Variants in DHRSX observed in about 807,000 individuals in gnomAD.
DHRSX encodes polyprenol dehydrogenase.
In DHRSX, 31 loss-of-function variants were observed where a neutral mutation model predicts 34.0. The observed-to-expected ratio is 0.91, with a 90% confidence interval of 0.69 to 1.23. The LOEUF (loss-of-function observed/expected upper bound fraction) is 1.23, where lower values mean the gene tolerates loss of function less well. DHRSX is among the 50% of genes most tolerant of loss of function. DHRSX has a pLI of 0.00. For synonymous variants in DHRSX, 201 were observed against 183.8 expected (o/e 1.09, Z -0.76); for missense variants, 414 against 428.1 (o/e 0.97, Z 0.29).
chrX:2,459,579 T>TATATATATATATATAC (rs1178347741), intron 1 of DHRSX, among the ~76,000 whole-genome samples: 1 of 127,924 alleles, frequency 7.8e-6, no homozygotes, highest in Non-Finnish European at 1.7e-5. Flanking sequence ...TATATATATA[T>TATATATATATATATAC]ACACACACAT....
intron 3 of DHRSX, among the ~76,000 whole-genome samples, chrX:2,344,397 TGA>T (rs1214768787): frequency 1.3e-5 from 2 of 152,084 alleles, no homozygotes; most frequent in Non-Finnish European, 2.9e-5. Context: ...ACACTGTTAT[TGA>T]GAGTGTAAAT....
At chrX:2,314,483 A>AAGGAAGGAAGGAAGGAAGGAAGGAAGGG (rs1602927702) in intron 3 of DHRSX, among the ~76,000 whole-genome samples, 1 of 45,982 alleles carries the variant, frequency 2.2e-5, no homozygotes, top group Non-Finnish European at 4.7e-5. Context: ...GGAAGGAAGG[A>AAGGAAGGAAGGAAGGAAGGAAGGAAGGG]AGGAAGGGAG....
chrX:2,413,005 G>C (rs1268256016), intron 2 of DHRSX, among the ~76,000 whole-genome samples: 2 of 152,080 alleles, frequency 1.3e-5, no homozygotes, highest in Non-Finnish European at 2.9e-5. Context: ...GACCATCCTG[G>C]CCAACCTGGC....
At chrX:2,290,956 C>A (rs1031129529) in intron 4 of DHRSX, among the ~76,000 whole-genome samples, 1 of 152,082 alleles carries the variant, frequency 6.6e-6, no homozygotes, top group African/African-American at 2.4e-5. Flanking sequence ...GGCTCAAGGT[C>A]AACAGTAAGC....
intron 2 of DHRSX, among the ~76,000 whole-genome samples, chrX:2,415,142 C>G (rs2043678066): frequency 6.6e-6 from 1 of 151,532 alleles, no homozygotes; most frequent in African/African-American, 2.4e-5. Context: ...TCATCATATC[C>G]TACCACAACT....
rs2042076780 is a variant in DHRSX at position 2,304,451 on chromosome X, G to A, written c.287-12848C>T. Among the ~76,000 whole-genome samples the A allele has an allele frequency of 3.3e-5, 5 of 152,138 alleles. No individual in the cohort carries two copies. The South Asian group carries it at 1.0e-3, about 32-fold the overall frequency. On this transcript the variant is annotated intron_variant, in intron 3 of 6. Coordinates refer to ENST00000334651, the MANE Select transcript of DHRSX (RefSeq NM_145177.3). ...CTCAAGTTGAATTGGAATCCCCAGTGCTGGAGGTGGACCCTTGTAGGGGGA... is the reference window on the plus strand; with the variant it reads ...CTCAAGTTGAATTGGAATCCCCAGTACTGGAGGTGGACCCTTGTAGGGGGA...
At chrX:2,394,270 G>A (rs996771041) in intron 3 of DHRSX, among the ~76,000 whole-genome samples, 1 of 152,192 alleles carries the variant, frequency 6.6e-6, no homozygotes, top group African/African-American at 2.4e-5. Context: ...CTGAGACCCA[G>A]GGAGGGGTAT....
At chrX:2,314,636 TTA>T (rs1457881712) in intron 3 of DHRSX, among the ~76,000 whole-genome samples, 14 of 151,948 alleles carry the variant, frequency 9.2e-5, no homozygotes, top group Non-Finnish European at 1.8e-4. Flanking sequence ...CCTTGTCTCA[TTA>T]TGTTATGCCA....
At position 2,243,236 on chromosome X, in the gene DHRSX, G is replaced by A; in HGVS notation, c.597-6C>T. ...CGTGGGGTGAGTAGCAGGCACTGTG[G>A]GGCAAGCAGGAGAAGGTGTAAGAGG... On this transcript the variant is annotated splice_region_variant and splice_polypyrimidine_tract_variant and intron_variant, in intron 5 of 6. Transcript: ENST00000334651. 1 of 1,612,522 alleles carries A rather than the reference G, an allele frequency of 6.2e-7. No individual in the cohort carries two copies. The highest frequency in any genetic ancestry group is 8.5e-7 in the Non-Finnish European group (1 of 1,179,502).
intron 6 of DHRSX, among the ~76,000 whole-genome samples, chrX:2,232,242 T>G (rs2015912091): frequency 6.6e-6 from 1 of 152,112 alleles, no homozygotes. Flanking sequence ...CCCTTCTGTT[T>G]CTAAAAGTCT....
At chrX:2,231,764 CCTTT>C (rs982016972) in intron 6 of DHRSX, among the ~76,000 whole-genome samples, 24 of 150,758 alleles carry the variant, frequency 1.6e-4, no homozygotes, top group Non-Finnish European at 3.3e-4. Context: ...TCCTCTTCCT[CCTTT>C]CTGCCTTATC....
chrX:2,257,100 T>G (rs34709047), intron 5 of DHRSX, among the ~76,000 whole-genome samples: 19,959 of 152,054 alleles, frequency 0.13, 4,203 homozygotes, highest in African/African-American at 0.44. Flanking sequence ...GGATTACAGG[T>G]GTGCACCCCC....
intron 3 of DHRSX, among the ~76,000 whole-genome samples, chrX:2,321,265 G>A (rs895347886): frequency 3.9e-5 from 6 of 152,096 alleles, no homozygotes; most frequent in South Asian, 2.1e-4. Flanking sequence ...TACAGAACCC[G>A]GCTCCATTGC....
chrX:2,283,415 A>G (rs528798391), intron 4 of DHRSX, among the ~76,000 whole-genome samples: 1 of 152,236 alleles, frequency 6.6e-6, no homozygotes, highest in South Asian at 2.1e-4. Context: ...CGCAGAATAA[A>G]TGGTCTACAC....
intron 1 of DHRSX, among the ~76,000 whole-genome samples, chrX:2,448,393 GATCT>G (rs1271973384): frequency 6.6e-6 from 1 of 151,972 alleles, no homozygotes; most frequent in Non-Finnish European, 1.5e-5. Context: ...TAAATTCAAA[GATCT>G]ATCACACCAC....
chrX:2,453,717 CAAAT>C (rs1352354825), intron 1 of DHRSX, among the ~76,000 whole-genome samples: 2 of 150,632 alleles, frequency 1.3e-5, no homozygotes, highest in Non-Finnish European at 3.0e-5. Flanking sequence ...TTAGATAAAA[CAAAT>C]AAATTCCAAG....
At chrX:2,357,754 G>GACAC (rs753269111) in intron 3 of DHRSX, among the ~76,000 whole-genome samples, 7 of 146,060 alleles carry the variant, frequency 4.8e-5, no homozygotes, top group Non-Finnish European at 9.0e-5. Flanking sequence ...ACTGTGCCCA[G>GACAC]ACACACACAC....
At chrX:2,314,895 C>T (rs1310353982) in intron 3 of DHRSX, among the ~76,000 whole-genome samples, 7 of 152,104 alleles carry the variant, frequency 4.6e-5, no homozygotes, top group Non-Finnish European at 7.4e-5. Context: ...CGGTGGCTCA[C>T]GCCTGCAATC....
chrX:2,289,143 A>G (rs1795536555), intron 4 of DHRSX, among the ~76,000 whole-genome samples: 1 of 150,710 alleles, frequency 6.6e-6, no homozygotes, highest in African/African-American at 2.4e-5. Flanking sequence ...TTTTTGAAAC[A>G]GTCTTGCTCT....
Sources: allele counts gnomAD v4.1 joint callset (sites outside exome capture counted in the v4.1 genomes callset), GRCh38; gene constraint gnomAD v4.1.1; transcripts MANE v1.5; gene names NCBI Gene and HGNC (gene_info 2026-07-23, HGNC 2026-07-21).